PLEKHM2: variants seen among roughly 807,000 people sequenced by gnomAD.
The protein encoded by PLEKHM2 is pleckstrin homology domain-containing family M member 2.
In PLEKHM2, 77 loss-of-function variants were observed where a neutral mutation model predicts 116.3. The observed-to-expected ratio is 0.66, with a 90% CI of 0.55 to 0.80. The LOEUF (loss-of-function observed/expected upper bound fraction) is 0.80. PLEKHM2 is among the 30% of genes least tolerant of loss of function. PLEKHM2 has a pLI of 0.00. For synonymous variants in PLEKHM2, 562 were observed against 571.0 expected, an observed-to-expected ratio of 0.98 and a Z score of 0.22; for missense variants, 1,183 against 1,354.9, an observed-to-expected ratio of 0.87 and a Z score of 1.99.
At chr1:15,700,407 C>A (rs1198952361) in intron 1 of PLEKHM2, among the ~76,000 whole-genome samples, 1 of 152,130 alleles carries the variant, frequency 6.6e-6, no homozygotes, top group African/African-American at 2.4e-5. Flanking sequence ...CTGGCCAAGA[C>A]TCTGCAGTAC....
At chr1:15,716,898 C>T in intron 3 of PLEKHM2, 82 bp downstream of exon 3, 3 of 1,523,044 alleles carry the variant, frequency 2.0e-6, no homozygotes, top group Middle Eastern at 2.2e-4. Context: ...CAGGTTTACC[C>T]TCAGGGTCAG....
chr1:15,727,776 TG>T lies in PLEKHM2; in HGVS notation c.1708del (p.Val570TrpfsTer19). 1 of 1,604,998 alleles carries T rather than the reference TG, an allele frequency of 6.2e-7. No individual in the cohort carries two copies. Among genetic ancestry groups the T allele is most frequent in the East Asian group, 2.2e-5 (1 of 44,632 alleles). ...SPCLSSAEDSGVDEGQGSPSE... is the reference protein window; with the variant it reads ...SPCLSSAEDSXVDEGQGSPSE... ...CGTGTCTGAGTAGCGCTGAGGATTCTGGGGTGGATGAGGGACAGGGGAGCCC... is the reference window on the plus strand; with the variant it reads ...CGTGTCTGAGTAGCGCTGAGGATTCTGGGTGGATGAGGGACAGGGGAGCCC... On this transcript the variant is annotated frameshift_variant, in exon 9 of 20. Coordinates refer to ENST00000375799, the MANE Select transcript of PLEKHM2 (RefSeq NM_015164.4). LOFTEE classifies it high-confidence loss of function. The surrounding 1 kb of genome is among the most constrained non-coding windows in gnomAD (Gnocchi z 7.5).
Position 15,719,637 on chromosome 1 carries a change from A to G in PLEKHM2, c.466-97A>G. On this transcript the variant is annotated intron_variant, in intron 5 of 19. Transcript: ENST00000375799. This position sits in a 1 kb window ranked among gnomAD's most constrained non-coding sequence, Gnocchi z 4.1. The stretch of plus-strand genomic sequence containing the variant: ...ACCTTAAGCCATTGATTTCCCAAAG[A>G]GGCACATCTGTGTCTCCCAGGCCTG... The G allele has an allele frequency of 2.7e-6, 2 of 746,442 alleles. No individual in the cohort carries two copies. Among genetic ancestry groups the G allele is most frequent in the Non-Finnish European group, 4.6e-6 (2 of 436,986 alleles). The allele number at this position is 746,442 out of a possible 1,614,324, so 46.2% of individuals were successfully genotyped here.
intron 15 of PLEKHM2, 72 bp from the exon 16 acceptor site, chr1:15,731,120 C>T (rs2068136385): frequency 1.8e-6 from 2 of 1,138,124 alleles, no homozygotes; most frequent in Admixed American, 3.9e-5. Flanking sequence ...GGAGGGGAAC[C>T]CTGGGACCTG....
intron 7 of PLEKHM2, among the ~76,000 whole-genome samples, chr1:15,725,076 T>C (rs1235883539): frequency 6.6e-6 from 1 of 152,102 alleles, no homozygotes; most frequent in Non-Finnish European, 1.5e-5. Context: ...CTCAGCCAAA[T>C]TGTTGTGAGC....
intron 15 of PLEKHM2, 97 bp downstream of exon 15, chr1:15,730,819 G>T: frequency 2.0e-6 from 2 of 1,004,130 alleles, no homozygotes; most frequent in South Asian, 1.6e-5. Context: ...GGTCACTGAG[G>T]GAGCAGCCTG....
rs1207962326 is a variant in PLEKHM2 at position 15,729,068 on chromosome 1, C to T, written c.1987-34C>T. ...CCTTCTCCGCCAGGCAGCAGCTAAGCCCCAAGTGCATGTCACGGTGTGGTT... is the reference window on the plus strand; with the variant it reads ...CCTTCTCCGCCAGGCAGCAGCTAAGTCCCAAGTGCATGTCACGGTGTGGTT... On this transcript the variant is annotated intron_variant, in intron 12 of 19. Transcript: ENST00000375799. The surrounding 1 kb of genome is among the most constrained non-coding windows in gnomAD (Gnocchi z 4.7). The T allele has an allele frequency of 1.3e-6, 2 of 1,575,704 alleles. No homozygotes were observed. The highest frequency in any genetic ancestry group is 1.2e-5 in the South Asian group (1 of 86,726).
At chr1:15,725,760 AGGC>A (rs2148369547) in intron 8 of PLEKHM2, 2 of 578,490 alleles carry the variant, frequency 3.5e-6, no homozygotes, top group African/African-American at 3.7e-5. Flanking sequence ...CACCGCAGAC[AGGC>A]GGCTTCCACA....
At chr1:15,720,462 A>G (rs1245126111) in intron 6 of PLEKHM2, 1 of 985,174 alleles carries the variant, frequency 1.0e-6, no homozygotes, top group Non-Finnish European at 1.2e-6. Flanking sequence ...CACCCTTTGC[A>G]TCAGGGACCG....
chr1:15,728,766 G>A lies in PLEKHM2; in HGVS notation c.1986+33G>A. 1 of 1,568,400 alleles carries A rather than the reference G, an allele frequency of 6.4e-7. No homozygotes were observed. Among genetic ancestry groups the A allele is most frequent in the Non-Finnish European group, 8.7e-7 (1 of 1,149,276 alleles). ...CAGGCCCCGCAGTTGTGCGCCTGCT[G>A]TAGGTACAGGGCTTCTCAAGCCACT... On this transcript the variant is annotated intron_variant, in intron 12 of 19. Transcript: ENST00000375799. This position sits in a 1 kb window ranked among gnomAD's most constrained non-coding sequence, Gnocchi z 5.9.
chr1:15,734,097 G>C lies in PLEKHM2; in HGVS notation c.*163G>C. On this transcript the variant is annotated 3_prime_UTR_variant, in exon 20 of 20. Transcript: ENST00000375799. The stretch of plus-strand genomic sequence containing the variant: ...TTAAGACAGGGTCCCTCCACTCCAG[G>C]GATCCAGATCAGGTGCCCGGCACCC... 1.3e-6 allele frequency: 1 copy of C among 762,484 alleles called. No individual in the cohort carries two copies. The highest frequency in any genetic ancestry group is 1.8e-5 in the African/African-American group (1 of 56,214). 47.2% of individuals were successfully genotyped at this position (762,484 alleles called of 1,614,324 possible). A position where few individuals can be genotyped will look rare whatever the true frequency, so the allele number is the denominator to read the frequency against.
At position 15,704,045 on chromosome 1, in the gene PLEKHM2, ATCTC is replaced by A. The variant is rs556154244; in HGVS notation, c.61-12186_61-12183del. On this transcript the variant is annotated intron_variant, in intron 1 of 19. Coordinates refer to ENST00000375799, the MANE Select transcript of PLEKHM2 (RefSeq NM_015164.4). Reference sequence around the variant, plus strand: ...GTTTAAAAATTTACCTTAAATCTGAATCTCTCTCTTCATTCTCAGCTGACCTTGC... The same window carrying A: ...GTTTAAAAATTTACCTTAAATCTGAATCTCTTCATTCTCAGCTGACCTTGC... Among the ~76,000 whole-genome samples, 681 of 151,632 alleles carry A rather than the reference ATCTC, an allele frequency of 4.5e-3. 6 individuals are homozygous for A. The highest frequency in any genetic ancestry group is 0.016 in the African/African-American group (658 of 41,352).
Position 15,701,377 on chromosome 1 carries a change from G to C in PLEKHM2, c.61-14860G>C, listed in dbSNP as rs535570896. Among the ~76,000 whole-genome samples the C allele has an allele frequency of 1.5e-4, 22 of 151,662 alleles. 1 individual carries two copies. Among genetic ancestry groups the C allele is most frequent in the Admixed American group, 1.4e-3 (21 of 15,188 alleles). ...GAACCTGGGAGGCGGAGGTTGCAGT[G>C]AGCCAAGATCGTGCCATTGCATTCC... On this transcript the variant is annotated intron_variant, in intron 1 of 19. Coordinates refer to ENST00000375799, the MANE Select transcript of PLEKHM2 (RefSeq NM_015164.4).
Position 15,727,270 on chromosome 1 carries a change from G to T in PLEKHM2, c.1198G>T (p.Asp400Tyr), listed in dbSNP as rs1422902806. 6.2e-7 allele frequency: 1 copy of T among 1,606,310 alleles called. No homozygotes were observed. Among genetic ancestry groups the T allele is most frequent in the Non-Finnish European group, 8.5e-7 (1 of 1,177,336 alleles). The change falls in exon 9 of 20, where the codon GAC (aspartate) becomes TAC (tyrosine). Residue 400 changes from aspartate to tyrosine, a missense_variant. By Grantham distance (160) the Asp-to-Tyr change is radical. Transcript: ENST00000375799. The surrounding 1 kb of genome is among the most constrained non-coding windows in gnomAD (Gnocchi z 7.5). The stretch of plus-strand genomic sequence containing the variant: ...GGGCCTGCTGATCCCTGAGATGAAG[G>T]ACACCTCCATGGAGCGCTTGGGGCA... ...EPGLLIPEMK[D>Y]TSMERLGQPL... is the part of the protein sequence containing the mutation.
At chr1:15,700,073 C>T (rs1190054604) in intron 1 of PLEKHM2, among the ~76,000 whole-genome samples, 4 of 151,968 alleles carry the variant, frequency 2.6e-5, no homozygotes, top group African/African-American at 9.7e-5. Context: ...GCGGCAGGCA[C>T]CCAGCAGCTG....
intron 1 of PLEKHM2, among the ~76,000 whole-genome samples, chr1:15,707,554 T>C (rs1326258602): frequency 1.3e-5 from 2 of 152,218 alleles, no homozygotes; most frequent in Non-Finnish European, 2.9e-5. Flanking sequence ...CACCCTGCCC[T>C]AGACTCCCAC....
intron 1 of PLEKHM2, among the ~76,000 whole-genome samples, chr1:15,692,117 G>A (rs1354294588): frequency 6.6e-6 from 1 of 151,388 alleles, no homozygotes; most frequent in East Asian, 1.9e-4. Context: ...TGTCTCGGCG[G>A]GGGAAAAAAA....
At position 15,727,467 on chromosome 1, in the gene PLEKHM2, C is replaced by T; in HGVS notation, c.1395C>T (p.Tyr465=). The T allele has an allele frequency of 6.2e-7, 1 of 1,602,940 alleles. No individual in the cohort carries two copies. The highest frequency in any genetic ancestry group is 8.5e-7 in the Non-Finnish European group (1 of 1,175,392). Residue 465 remains tyrosine (Y), a synonymous_variant, in exon 9 of 20, where the codon TAC becomes TAT. Coordinates refer to ENST00000375799, the MANE Select transcript of PLEKHM2 (RefSeq NM_015164.4). The surrounding 1 kb of genome is among the most constrained non-coding windows in gnomAD (Gnocchi z 7.5). The part of the protein sequence containing the change: ...SEGLSAPMDF[Y]RFTVESPSTV... ...GGCTTTCAGCCCCAATGGACTTCTA[C>T]CGCTTTACCGTCGAGAGTCCAAGCA...
At chr1:15,691,292 G>T (rs1363168631) in intron 1 of PLEKHM2, among the ~76,000 whole-genome samples, 2 of 152,070 alleles carry the variant, frequency 1.3e-5, no homozygotes. Context: ...GGTTGGTCTC[G>T]AACTCCTGAG....
Sources: gnomAD v4.1 joint callset for allele counts (sites outside exome capture counted in the v4.1 genomes callset) on GRCh38, gnomAD v4.1.1 for gene constraint, Gnocchi (gnomAD v3.1) non-coding constraint, MANE v1.5 for transcripts, NCBI Gene and HGNC (gene_info 2026-07-23, HGNC 2026-07-21) for gene names.